ADH1C: variants seen among roughly 807,000 people sequenced by gnomAD.
ADH1C encodes alcohol dehydrogenase 1C (class I), gamma polypeptide, also known as alcohol dehydrogenase 1C.
A neutral mutation model predicts 35.0 loss-of-function variants in ADH1C; 26 were observed. That is an observed-to-expected ratio of 0.74 (90% CI 0.54 to 1.03). The LOEUF (loss-of-function observed/expected upper bound fraction) is 1.03. ADH1C is among the 50% of genes least tolerant of loss of function. The probability of loss-of-function intolerance (pLI) is 0.00; values close to 1 mark genes in which losing one functional copy is unlikely to be tolerated. For synonymous variants in ADH1C, 170 were observed against 169.3 expected, an observed-to-expected ratio of 1.00 and a Z score of -0.03; for missense variants, 413 against 465.4, an observed-to-expected ratio of 0.89 and a Z score of 1.04.
rs1579534584 is a variant in ADH1C, at chr4:99,347,989, T to C, written c.19-143A>G. On this transcript the variant is annotated intron_variant, in intron 1 of 8. Transcript: ENST00000515683. ...TGCATAGAAATGAAGTCCTCTGGTT[T>C]ATAAAGAGAATAAGAGTATCTTTTA... 3.4e-6 allele frequency: 3 copies of C among 876,620 alleles called. No homozygotes were observed. The East Asian group carries it at 8.0e-5, about 23-fold the overall frequency. The allele number at this position is 876,620 out of a possible 1,614,324, so 54.3% of individuals were successfully genotyped here. A position where few individuals can be genotyped will look rare whatever the true frequency, so the allele number is the denominator to read the frequency against.
rs560946156 is a variant in ADH1C at position 99,338,590 on chromosome 4, CT to C, written c.1103+986del. Among the ~76,000 whole-genome samples the C allele has an allele frequency of 3.2e-4, 48 of 149,700 alleles. 1 individual carries two copies. In the South Asian group the frequency reaches 0.01, roughly 32 times the overall value. ...TCTCTGCTTCTTAGTTTTCTCTTCT[CT>C]AAGATAATGAGATTGAGACTGACAC... On this transcript the variant is annotated intron_variant, in intron 8 of 8. Coordinates refer to ENST00000515683, the MANE Select transcript of ADH1C (RefSeq NM_000669.5).
intron 1 of ADH1C, among the ~76,000 whole-genome samples, chr4:99,352,100 C>T (rs906726971): frequency 1.3e-5 from 2 of 152,064 alleles, no homozygotes; most frequent in African/African-American, 2.4e-5. Flanking sequence ...CTTGCTTAAC[C>T]TTGATGATTC....
Position 99,347,739 on chromosome 4 carries a change from T to A in ADH1C, c.120+6A>T. Reference sequence around the variant, plus strand: ...AAATTAAATACAAATGGAAAAAGTATTTCACCTTAATGCGAACTTCATGAG... The same window carrying A: ...AAATTAAATACAAATGGAAAAAGTAATTCACCTTAATGCGAACTTCATGAG... On this transcript the variant is annotated splice_donor_region_variant and intron_variant, in intron 2 of 8. Coordinates refer to ENST00000515683, the MANE Select transcript of ADH1C (RefSeq NM_000669.5). 6.3e-7 allele frequency: 1 copy of A among 1,599,512 alleles called. No individual in the cohort carries two copies. The highest frequency in any genetic ancestry group is 8.5e-7 in the Non-Finnish European group (1 of 1,173,534).
chr4:99,340,247 C>G (rs116383176), intron 7 of ADH1C, among the ~76,000 whole-genome samples: 1 of 152,056 alleles, frequency 6.6e-6, no homozygotes, highest in South Asian at 2.1e-4. Flanking sequence ...AGTGAACCCT[C>G]ATCTCTACCC....
rs941522428 is a variant in ADH1C, at chr4:99,336,621, A to T, written c.*131T>A. ...TTCCCATCAATTTCCATTTCTTTGG[A>T]AAGCTCCCACGTGTAATTTATTTTT... On this transcript the variant is annotated 3_prime_UTR_variant, in exon 9 of 9. Coordinates refer to ENST00000515683, the MANE Select transcript of ADH1C (RefSeq NM_000669.5). 8.8e-7 allele frequency: 1 copy of T among 1,131,286 alleles called. No individual in the cohort carries two copies. Among genetic ancestry groups the T allele is most frequent in the Admixed American group, 2.5e-5 (1 of 40,192 alleles). The allele number at this position is 1,131,286 out of a possible 1,614,324, so 70.1% of individuals were successfully genotyped here.
At chr4:99,344,160 A>AT (rs1734474027) in intron 5 of ADH1C, among the ~76,000 whole-genome samples, 2 of 152,218 alleles carry the variant, frequency 1.3e-5, no homozygotes, top group Non-Finnish European at 2.9e-5. Context: ...AAATATCTTT[A>AT]TATCTCTCGA....
At chr4:99,341,951 G>T (rs1734424394) in intron 6 of ADH1C, among the ~76,000 whole-genome samples, 1 of 151,494 alleles carries the variant, frequency 6.6e-6, no homozygotes. Flanking sequence ...GGTTAAGGCT[G>T]CAGTGAGCCA....
intron 3 of ADH1C, among the ~76,000 whole-genome samples, chr4:99,345,914 G>T (rs937701620): frequency 3.9e-5 from 6 of 152,258 alleles, no homozygotes; most frequent in South Asian, 2.1e-4. Flanking sequence ...TTTAGGATAA[G>T]AATTGACTTT....
At chr4:99,342,010 CAAAAA>C (rs33982136) in intron 6 of ADH1C, among the ~76,000 whole-genome samples, 8 of 138,626 alleles carry the variant, frequency 5.8e-5, no homozygotes, top group Admixed American at 7.4e-5. Flanking sequence ...GACCCTGTCT[CAAAAA>C]AAAAAAAAAA....
chr4:99,342,856 T>G lies in ADH1C; in HGVS notation c.767A>C (p.Lys256Thr), dbSNP rs1344966593. The part of the protein sequence containing the change: ...DYKKPIQEVL[K>T]EMTDGGVDFS... The stretch of plus-strand genomic sequence containing the variant: ...ATCCACACCTCCATCAGTCATTTCC[T>G]TTAGCACTTCCTGAATGGGTTTCTT... The change falls in exon 6 of 9, where the codon AAG becomes ACG. Residue 256 changes from lysine to threonine, a missense_variant. Transcript: ENST00000515683. 6.2e-7 allele frequency: 1 copy of G among 1,614,060 alleles called. No individual in the cohort carries two copies. The highest frequency in any genetic ancestry group is 8.5e-7 in the Non-Finnish European group (1 of 1,179,914).
chr4:99,341,191 T>C (rs1734406787), intron 6 of ADH1C, among the ~76,000 whole-genome samples: 1 of 152,242 alleles, frequency 6.6e-6, no homozygotes, highest in Non-Finnish European at 1.5e-5. Context: ...CAGATTCCTA[T>C]GTCCATTTCT....
rs879100934 is a variant in ADH1C, at chr4:99,339,523, C to T, written c.1103+54G>A. 150 of 1,211,004 alleles carry T rather than the reference C, an allele frequency of 1.2e-4. 2 individuals are homozygous for T. The African/African-American group carries it at 2.1e-3, about 17-fold the overall frequency. 75.0% of individuals were successfully genotyped at this position (1,211,004 alleles called of 1,614,324 possible). On this transcript the variant is annotated intron_variant, in intron 8 of 8. Transcript: ENST00000515683. ...CTCTGCTAGACAACGCCCCCCCCCC[C>T]CCCGCCGCTACTGTAGAATACAAAG...
chr4:99,337,150 A>AT, intron 8 of ADH1C, among the ~76,000 whole-genome samples: 2 of 152,186 alleles, frequency 1.3e-5, no homozygotes, highest in South Asian at 2.1e-4. Flanking sequence ...TGCTTCATGC[A>AT]TTTTTTTCAC....
At position 99,347,730 on chromosome 4, in the gene ADH1C, GA is replaced by G; in HGVS notation, c.120+14del. The G allele has an allele frequency of 1.3e-6, 2 of 1,588,088 alleles. No individual in the cohort carries two copies. The highest frequency in any genetic ancestry group is 1.2e-5 in the South Asian group (1 of 84,162). ...TTAAACTTAAAATTAAATACAAATGGAAAAAGTATTTCACCTTAATGCGAAC... is the reference window on the plus strand; with the variant it reads ...TTAAACTTAAAATTAAATACAAATGGAAAAGTATTTCACCTTAATGCGAAC... On this transcript the variant is annotated intron_variant, in intron 2 of 8. Coordinates refer to ENST00000515683, the MANE Select transcript of ADH1C (RefSeq NM_000669.5).
intron 8 of ADH1C, 43 bp downstream of exon 8, chr4:99,339,534 C>T: frequency 1.7e-6 from 2 of 1,165,780 alleles, no homozygotes; most frequent in Non-Finnish European, 2.4e-6. Context: ...CCCGCCGCTA[C>T]TGTAGAATAC....
Position 99,339,586 on chromosome 4 carries a change from G to T in ADH1C, c.1094C>A (p.Ser365Tyr). ...ACAACTTAAAATCTACCTCTTTCCA[G>T]AGCGAAGCAGGTCAAATCCTTCATT... ...KINEGFDLLR[S>Y]GKSIRTVLTF Residue 365 changes from serine to tyrosine, a missense_variant, in exon 8 of 9, where the codon TCT becomes TAT. Transcript: ENST00000515683. 6.3e-7 allele frequency: 1 copy of T among 1,583,508 alleles called. No homozygotes were observed. The highest frequency in any genetic ancestry group is 8.6e-7 in the Non-Finnish European group (1 of 1,166,090).
At position 99,336,709 on chromosome 4, in the gene ADH1C, G is replaced by C. The variant is rs1237027299; in HGVS notation, c.*43C>G. 8 of 1,606,722 alleles carry C rather than the reference G, an allele frequency of 5.0e-6. No homozygotes were observed. The highest frequency in any genetic ancestry group is 1.7e-5 in the Admixed American group (1 of 59,924). Reference sequence around the variant, plus strand: ...CTGTTGCTCCAGATCATGTAGGGTAGAGGAGGCTGAAAACTGCTACAAGGG... The same window carrying C: ...CTGTTGCTCCAGATCATGTAGGGTACAGGAGGCTGAAAACTGCTACAAGGG... On this transcript the variant is annotated 3_prime_UTR_variant, in exon 9 of 9. Transcript: ENST00000515683.
rs1480029511 is a variant in ADH1C at position 99,338,446 on chromosome 4, C to CAT, written c.1103+1130_1103+1131insAT. Among the ~76,000 whole-genome samples the CAT allele has an allele frequency of 2.1e-3, 84 of 39,578 alleles. 6 individuals are homozygous for CAT. The Middle Eastern group carries it at 0.042, about 20-fold the overall frequency. 26.0% of individuals were successfully genotyped at this position (39,578 alleles called of 152,430 possible). A position where few individuals can be genotyped will look rare whatever the true frequency, so the allele number is the denominator to read the frequency against. ...ATATATATATATATATATATATATA[C>CAT]ACACTCTTGAGGGGTGGTGTGGTTT... On this transcript the variant is annotated intron_variant, in intron 8 of 8. Coordinates refer to ENST00000515683, the MANE Select transcript of ADH1C (RefSeq NM_000669.5).
At position 99,347,210 on chromosome 4, in the gene ADH1C, C is replaced by T. The variant is rs1276119915; in HGVS notation, c.121-66G>A. The stretch of plus-strand genomic sequence containing the variant: ...ATGACTGTCAGATGGACTTAACAAA[C>T]CCAATTTTCTAAAATTGTTATTCAA... On this transcript the variant is annotated intron_variant, in intron 2 of 8. Transcript: ENST00000515683. 4.6e-6 allele frequency: 7 copies of T among 1,538,326 alleles called. No homozygotes were observed. In the Admixed American group the frequency reaches 1.1e-4, roughly 25 times the overall value.
Sources: allele counts gnomAD v4.1 joint callset (sites outside exome capture counted in the v4.1 genomes callset), GRCh38; gene constraint gnomAD v4.1.1; transcripts MANE v1.5; gene names NCBI Gene and HGNC (gene_info 2026-07-23, HGNC 2026-07-21).